Variants in SGCZ observed in about 807,000 individuals in gnomAD.
The protein encoded by SGCZ is sarcoglycan zeta, also known as zeta-sarcoglycan.
In SGCZ, 40 loss-of-function variants were observed where a neutral mutation model predicts 41.3. The observed-to-expected ratio is 0.97, with a 90% CI of 0.75 to 1.26. SGCZ has a LOEUF of 1.26. SGCZ is among the 50% of genes most tolerant of loss of function. The pLI, the probability that SGCZ is intolerant of heterozygous loss-of-function variation, is 0.00. For missense variants in SGCZ, 552 were observed against 369.8 expected (o/e 1.49, Z -4.04); for synonymous variants, 206 against 137.5 (o/e 1.50, Z -3.49).
chr8:14,102,340 C>A (rs758080270), intron 7 of SGCZ, 36 bp downstream of exon 7: 1 of 1,383,954 alleles, frequency 7.2e-7, no homozygotes. Flanking sequence ...TCAAAGTGGG[C>A]AGTATAGGGC....
chr8:15,156,412 T>A (rs1403253281), intron 1 of SGCZ, among the ~76,000 whole-genome samples: 1 of 152,186 alleles, frequency 6.6e-6, no homozygotes, highest in Non-Finnish European at 1.5e-5. Flanking sequence ...TTGCCAATCG[T>A]GACAAGAAAG....
At chr8:14,640,677 T>C (rs1806995020) in intron 1 of SGCZ, among the ~76,000 whole-genome samples, 1 of 138,314 alleles carries the variant, frequency 7.2e-6, no homozygotes, top group African/African-American at 2.7e-5. Flanking sequence ...TGTGTGTATA[T>C]ATTTGCTTTG....
intron 1 of SGCZ, among the ~76,000 whole-genome samples, chr8:14,856,114 G>C (rs892549901): frequency 1.3e-5 from 2 of 152,178 alleles, no homozygotes; most frequent in Admixed American, 1.3e-4. Context: ...TCGAGGATAG[G>C]ATTAAGGATG....
intron 1 of SGCZ, among the ~76,000 whole-genome samples, chr8:14,666,292 C>T (rs1265624210): frequency 1.3e-5 from 2 of 152,146 alleles, no homozygotes; most frequent in Non-Finnish European, 2.9e-5. Context: ...TGGTAATTTT[C>T]ACATTGCTAT....
intron 1 of SGCZ, among the ~76,000 whole-genome samples, chr8:15,079,318 C>G (rs1210174573): frequency 6.6e-6 from 1 of 152,172 alleles, no homozygotes; most frequent in Non-Finnish European, 1.5e-5. Context: ...AACAGCCTAT[C>G]TGTTGTCTTT....
At position 14,111,740 on chromosome 8, in the gene SGCZ, T is replaced by C. The variant is rs559321608; in HGVS notation, c.548-3505A>G. 3.9e-5 allele frequency among the ~76,000 whole-genome samples: 6 copies of C among 152,242 alleles called. No homozygotes were observed. The East Asian group carries it at 9.7e-4, about 25-fold the overall frequency. ...GTCCAAAAGTAGTAGAAACCATTCA[T>C]ATGATAATTTCTGGCTTCTGCAGGA... On this transcript the variant is annotated intron_variant, in intron 5 of 7. Transcript: ENST00000382080.
chr8:14,106,873 C>A (rs542759648), intron 6 of SGCZ, among the ~76,000 whole-genome samples: 1 of 152,248 alleles, frequency 6.6e-6, no homozygotes, highest in South Asian at 2.1e-4. Flanking sequence ...ATTTAGCTAT[C>A]ATAAATTAAT....
chr8:14,222,667 C>A (rs1806239168), intron 4 of SGCZ, among the ~76,000 whole-genome samples: 1 of 151,890 alleles, frequency 6.6e-6, no homozygotes, highest in African/African-American at 2.4e-5. Flanking sequence ...AAACTTTACT[C>A]CATGGACAAT....
chr8:14,277,300 C>T (rs1467808837), intron 3 of SGCZ, among the ~76,000 whole-genome samples: 3 of 152,056 alleles, frequency 2.0e-5, no homozygotes, highest in Middle Eastern at 3.2e-3. Context: ...GGGTCATGTT[C>T]CTTCATAAGT....
At chr8:14,966,432 A>C (rs1177326885) in intron 1 of SGCZ, among the ~76,000 whole-genome samples, 1 of 151,868 alleles carries the variant, frequency 6.6e-6, no homozygotes, top group Non-Finnish European at 1.5e-5. Context: ...AAAATATATA[A>C]ATTCTTAAAA....
intron 3 of SGCZ, among the ~76,000 whole-genome samples, chr8:14,266,436 C>G (rs950607337): frequency 2.6e-5 from 4 of 151,952 alleles, no homozygotes; most frequent in Non-Finnish European, 1.5e-5. Flanking sequence ...AAGTGTTTTT[C>G]TCAAGACATG....
intron 1 of SGCZ, among the ~76,000 whole-genome samples, chr8:15,190,874 C>T (rs76022831): frequency 2.0e-5 from 3 of 151,976 alleles, no homozygotes; most frequent in Non-Finnish European, 4.4e-5. Flanking sequence ...CTAATTCAAT[C>T]ACAACTGGAA....
At chr8:15,196,156 C>G (rs1368922693) in intron 1 of SGCZ, among the ~76,000 whole-genome samples, 1 of 134,114 alleles carries the variant, frequency 7.5e-6, no homozygotes, top group Non-Finnish European at 1.7e-5. Context: ...CTCGGCCTCC[C>G]AAAGTGCTGG....
chr8:14,719,291 G>A (rs200294806), intron 1 of SGCZ, among the ~76,000 whole-genome samples: 2 of 147,108 alleles, frequency 1.4e-5, no homozygotes, highest in African/African-American at 2.6e-5. Context: ...CTTTGCTATT[G>A]TGAATAGTGC....
intron 3 of SGCZ, among the ~76,000 whole-genome samples, chr8:14,254,493 G>A (rs1165230709): frequency 3.3e-5 from 5 of 152,166 alleles, no homozygotes; most frequent in African/African-American, 4.8e-5. Context: ...TCAAAAATAA[G>A]TGAAGCAGTA....
At chr8:14,935,457 G>A (rs1167969181) in intron 1 of SGCZ, among the ~76,000 whole-genome samples, 1 of 150,200 alleles carries the variant, frequency 6.7e-6, no homozygotes, top group Non-Finnish European at 1.5e-5. Flanking sequence ...ATCCTACTGT[G>A]AGAAAAAAAG....
At chr8:14,981,928 T>A (rs141953296) in intron 1 of SGCZ, among the ~76,000 whole-genome samples, 46 of 152,110 alleles carry the variant, frequency 3.0e-4, no homozygotes, top group African/African-American at 1.1e-3. Flanking sequence ...AGCAGGCAGA[T>A]CATTGGAGGT....
chr8:14,527,163 A>G (rs1802976269), intron 2 of SGCZ, among the ~76,000 whole-genome samples: 2 of 152,158 alleles, frequency 1.3e-5, no homozygotes, highest in South Asian at 2.1e-4. Flanking sequence ...TTCACACACT[A>G]TGCAAATCAG....
chr8:14,733,962 C>T (rs185271767), intron 1 of SGCZ, among the ~76,000 whole-genome samples: 3 of 152,322 alleles, frequency 2.0e-5, no homozygotes, highest in Admixed American at 6.5e-5. Context: ...GTTGAAAAGA[C>T]GTTTTATCCT....
Sources: gnomAD v4.1 joint callset for allele counts (sites outside exome capture counted in the v4.1 genomes callset) on GRCh38, gnomAD v4.1.1 for gene constraint, MANE v1.5 for transcripts, NCBI Gene and HGNC (gene_info 2026-07-23, HGNC 2026-07-21) for gene names.